Variants in OPHN1 observed in about 807,000 individuals in gnomAD.
OPHN1 encodes oligophrenin-1.
Under a neutral mutation model 60.7 loss-of-function variants are expected in OPHN1, and 11 were observed. That is an observed-to-expected ratio of 0.18 (90% confidence interval 0.11 to 0.30). The LOEUF is 0.30. OPHN1 is among the 10% of genes least tolerant of loss of function. OPHN1 has a pLI of 1.00. For synonymous variants in OPHN1, 226 were observed against 222.6 expected (o/e 1.02, Z -0.14); for missense variants, 449 against 611.0 (o/e 0.73, Z 2.80).
chrX:68,134,913 G>GGCTCAAATGTATACTTC (rs1569222268), intron 15 of OPHN1, among the ~76,000 whole-genome samples: 1 of 111,171 alleles, frequency 9.0e-6, no homozygotes. Context: ...TTTTGAGCAG[G>GGCTCAAATGTATACTTC]TAGAAGTATA....
At chrX:68,198,208 G>A (rs2077520816) in intron 11 of OPHN1, among the ~76,000 whole-genome samples, 1 of 111,093 alleles carries the variant, frequency 9.0e-6, no homozygotes, top group Non-Finnish European at 1.9e-5. Flanking sequence ...TAGTCATAAG[G>A]GTAGAACCTC....
At chrX:68,192,425 A>T (rs1408095288) in intron 15 of OPHN1, among the ~76,000 whole-genome samples, 1 of 107,248 alleles carries the variant, frequency 9.3e-6, no homozygotes, top group Non-Finnish European at 1.9e-5. Context: ...GTGAGCCATG[A>T]TCATGCCACT....
In OPHN1 at chrX:68,197,341, C is replaced by G. The variant is rs1024042046; in HGVS notation, c.1026-77G>C. 6 of 762,987 alleles carry G rather than the reference C, an allele frequency of 7.9e-6. No individual in the cohort carries two copies. In the African/African-American group the frequency reaches 1.2e-4, roughly 16 times the overall value. 62.9% of individuals were successfully genotyped at this position (762,987 alleles called of 1,213,427 possible). On this transcript the variant is annotated intron_variant, in intron 11 of 24. Coordinates refer to ENST00000355520, the MANE Select transcript of OPHN1 (RefSeq NM_002547.3). ...TGGAGTCTTGTGATCTAGGGTCCCT[C>G]TCTGCCCTGGAGTTTGTCACACTGA...
At chrX:68,219,846 C>A (rs1481896083) in intron 6 of OPHN1, among the ~76,000 whole-genome samples, 1 of 102,115 alleles carries the variant, frequency 9.8e-6, no homozygotes, top group Admixed American at 1.1e-4. Context: ...CCAAAATTGT[C>A]ACCCTAACAT....
chrX:68,099,161 G>C (rs1180416545), intron 18 of OPHN1, among the ~76,000 whole-genome samples: 1 of 111,453 alleles, frequency 9.0e-6, no homozygotes, highest in Admixed American at 9.6e-5. Flanking sequence ...CTATTCTTTG[G>C]GGAAATTGCT....
At chrX:68,415,959 G>T in intron 2 of OPHN1, among the ~76,000 whole-genome samples, 1 of 105,202 alleles carries the variant, frequency 9.5e-6, no homozygotes, top group East Asian at 3.0e-4. Flanking sequence ...AGGTTGCAAT[G>T]AGCTGAGATC....
intron 2 of OPHN1, among the ~76,000 whole-genome samples, chrX:68,368,904 G>A (rs1001926424): frequency 9.0e-6 from 1 of 111,667 alleles, no homozygotes; most frequent in Non-Finnish European, 1.9e-5. Flanking sequence ...ATACTACTAA[G>A]AATTTTAACA....
At chrX:68,377,462 G>C (rs1203393824) in intron 2 of OPHN1, among the ~76,000 whole-genome samples, 1 of 104,079 alleles carries the variant, frequency 9.6e-6, no homozygotes. Context: ...TTAAGTTCTA[G>C]GGTACATGTG....
At chrX:68,359,121 C>T (rs887498183) in intron 2 of OPHN1, among the ~76,000 whole-genome samples, 5 of 112,062 alleles carry the variant, frequency 4.5e-5, no homozygotes, top group African/African-American at 1.6e-4. Flanking sequence ...CACAATCACC[C>T]TCTCTCTTGA....
chrX:68,199,647 G>A (rs902458403), intron 11 of OPHN1, among the ~76,000 whole-genome samples: 2 of 112,125 alleles, frequency 1.8e-5, no homozygotes, highest in Non-Finnish European at 3.8e-5. Context: ...AAAAGCAGAT[G>A]TCATGTCACT....
chrX:68,089,050 A>G (rs2147392559), intron 19 of OPHN1, among the ~76,000 whole-genome samples: 1 of 111,494 alleles, frequency 9.0e-6, no homozygotes, highest in Admixed American at 9.5e-5. Flanking sequence ...GCAAAGAAAA[A>G]GTCCACCCGA....
At chrX:68,060,565 C>A (rs1345795176) in intron 21 of OPHN1, among the ~76,000 whole-genome samples, 1 of 112,165 alleles carries the variant, frequency 8.9e-6, no homozygotes, top group Non-Finnish European at 1.9e-5. Flanking sequence ...AGTTGACTGT[C>A]ATGGAAAAAA....
intron 15 of OPHN1, among the ~76,000 whole-genome samples, chrX:68,121,920 G>A (rs886194165): frequency 8.2e-5 from 9 of 109,215 alleles, no homozygotes; most frequent in Non-Finnish European, 1.1e-4. Context: ...CACACCTGGG[G>A]CCAAAAGGGA....
At chrX:68,052,672 C>G in intron 22 of OPHN1, 82 bp from the exon 23 acceptor site, 1 of 892,705 alleles carries the variant, frequency 1.1e-6, no homozygotes, top group South Asian at 2.1e-5. Context: ...GGACAGGAGA[C>G]TCTGAACCAG....
chrX:68,391,931 C>A (rs1260917498), intron 2 of OPHN1, among the ~76,000 whole-genome samples: 1 of 111,872 alleles, frequency 8.9e-6, no homozygotes, highest in African/African-American at 3.2e-5. Context: ...TTGACTTTAG[C>A]AGTGAAACTC....
intron 5 of OPHN1, among the ~76,000 whole-genome samples, chrX:68,264,679 T>C (rs750030888): frequency 3.6e-5 from 4 of 111,834 alleles, no homozygotes; most frequent in African/African-American, 1.3e-4. Context: ...AGAAAGTGGG[T>C]GCAGGACAGT....
intron 2 of OPHN1, among the ~76,000 whole-genome samples, chrX:68,359,964 C>A (rs749930121): frequency 9.2e-6 from 1 of 109,282 alleles, no homozygotes; most frequent in South Asian, 3.9e-4. Context: ...TGGCATTAGG[C>A]AAGTTACTTA....
chrX:68,120,496 C>A (rs1364506576), intron 15 of OPHN1, among the ~76,000 whole-genome samples: 1 of 111,752 alleles, frequency 8.9e-6, no homozygotes, highest in Non-Finnish European at 1.9e-5. Flanking sequence ...ACTGAAGACA[C>A]AAATAAATGA....
chrX:68,415,520 G>A (rs1323074930), intron 2 of OPHN1, among the ~76,000 whole-genome samples: 4 of 110,946 alleles, frequency 3.6e-5, no homozygotes, highest in Non-Finnish European at 5.7e-5. Context: ...TTCACTACTT[G>A]GTGTATTACA....
Sources: gnomAD v4.1 joint callset for allele counts (sites outside exome capture counted in the v4.1 genomes callset) on GRCh38, gnomAD v4.1.1 for gene constraint, MANE v1.5 for transcripts, NCBI Gene and HGNC (gene_info 2026-07-23, HGNC 2026-07-21) for gene names.